The following CLEC2B variants were observed in gnomAD, a reference collection of about 807,000 sequenced individuals.
CLEC2B encodes the protein C-type lectin domain family 2 member B.
A neutral mutation model predicts 16.2 loss-of-function variants in CLEC2B; 14 were observed. The ratio of observed to expected loss-of-function variants is 0.86; its 90% CI spans 0.57 to 1.35. CLEC2B has a LOEUF of 1.35. Ranked by LOEUF, CLEC2B falls within the 40% of genes most tolerant of loss-of-function variation. The pLI, the probability that CLEC2B is intolerant of heterozygous loss-of-function variation, is 0.00. For synonymous variants in CLEC2B, 42 were observed against 55.8 expected (o/e 0.75, Z 1.10); for missense variants, 166 against 182.3 (o/e 0.91, Z 0.52).
At chr12:9,860,249 C>T (rs572368565) in intron 2 of CLEC2B, among the ~76,000 whole-genome samples, 7 of 151,494 alleles carry the variant, frequency 4.6e-5, no homozygotes, top group Non-Finnish European at 8.9e-5. Context: ...TTACATAGAA[C>T]TTGCAAAAGA....
rs1867865854 is a variant in CLEC2B at position 9,853,305 on chromosome 12, G to A, written c.445C>T (p.His149Tyr). ...ERKWICRKRI[H>Y] Reference sequence around the variant, plus strand: ...CCATTATCTTAGACATTAACTTAGTGTATTCTTTTCCTGCAAATCCATTTT... The same window carrying A: ...CCATTATCTTAGACATTAACTTAGTATATTCTTTTCCTGCAAATCCATTTT... Residue 149 changes from histidine (H) to tyrosine (Y), a missense_variant, in exon 5 of 5, where the codon CAC (histidine) becomes TAC (tyrosine). Physicochemically the swap from His to Tyr is moderately conservative, Grantham distance 83. Coordinates refer to ENST00000228438, the MANE Select transcript of CLEC2B (RefSeq NM_005127.3). 1 of 1,599,484 alleles carries A rather than the reference G, an allele frequency of 6.3e-7. No individual in the cohort carries two copies. The highest frequency in any genetic ancestry group is 8.6e-7 in the Non-Finnish European group (1 of 1,166,920).
At chr12:9,855,248 T>C (rs1867886809) in intron 3 of CLEC2B, among the ~76,000 whole-genome samples, 1 of 152,108 alleles carries the variant, frequency 6.6e-6, no homozygotes, top group Non-Finnish European at 1.5e-5. Flanking sequence ...CACACCACTA[T>C]GGTCAAATCC....
At chr12:9,854,537 C>T in intron 3 of CLEC2B, 53 bp from the exon 4 acceptor site, 1 of 1,149,402 alleles carries the variant, frequency 8.7e-7, no homozygotes, top group East Asian at 2.3e-5. Flanking sequence ...TTATGACAAC[C>T]TACTGTGTAC....
In CLEC2B at chr12:9,865,180, C is replaced by CAAAAAAAAAAAAAAAAAAAAAAAA; in HGVS notation, c.-2-2608_-2-2607insTTTTTTTTTTTTTTTTTTTTTTTT. Among the ~76,000 whole-genome samples, 2 of 99,104 alleles carry CAAAAAAAAAAAAAAAAAAAAAAAA rather than the reference C, an allele frequency of 2.0e-5. 1 individual carries two copies. 65.0% of individuals were successfully genotyped at this position (99,104 alleles called of 152,430 possible). On this transcript the variant is annotated intron_variant, in intron 1 of 4. Coordinates refer to ENST00000228438, the MANE Select transcript of CLEC2B (RefSeq NM_005127.3). ...CCTGGGCAATAAAGCAAGACTCTCT[C>CAAAAAAAAAAAAAAAAAAAAAAAA]AAAAAAAAAAAAAAAAAAAAAGCAT...
At chr12:9,854,057 A>G (rs1273902575) in intron 4 of CLEC2B, among the ~76,000 whole-genome samples, 2 of 152,334 alleles carry the variant, frequency 1.3e-5, no homozygotes, top group African/African-American at 4.8e-5. Context: ...AAAATAGTCA[A>G]CAAAAAGTTT....
chr12:9,864,340 G>A (rs758885101), intron 1 of CLEC2B, among the ~76,000 whole-genome samples: 5 of 151,918 alleles, frequency 3.3e-5, no homozygotes, highest in South Asian at 4.2e-4. Flanking sequence ...AAAAACACAC[G>A]AACAGAAAAC....
At chr12:9,861,685 A>G (rs1420928352) in intron 2 of CLEC2B, among the ~76,000 whole-genome samples, 1 of 151,732 alleles carries the variant, frequency 6.6e-6, no homozygotes, top group Non-Finnish European at 1.5e-5. Context: ...TGAATGCACT[A>G]TACTAAACAT....
At chr12:9,869,078 A>G (rs1048401651) in intron 1 of CLEC2B, 127 bp downstream of exon 1, 2 of 152,270 alleles carry the variant, frequency 1.3e-5, no homozygotes, top group East Asian at 1.9e-4. Flanking sequence ...CAATCTTGTT[A>G]TAAGAAGGAA....
At chr12:9,854,280 G>C in intron 4 of CLEC2B, 101 bp downstream of exon 4, 1 of 688,078 alleles carries the variant, frequency 1.5e-6, no homozygotes, top group Admixed American at 2.9e-5. Context: ...TTTCTAACAT[G>C]TGCAAAACTC....
chr12:9,853,239 T>C lies in CLEC2B; in HGVS notation c.*61A>G, dbSNP rs1242398950. On this transcript the variant is annotated 3_prime_UTR_variant, in exon 5 of 5. Coordinates refer to ENST00000228438, the MANE Select transcript of CLEC2B (RefSeq NM_005127.3). Reference sequence around the variant, plus strand: ...GAACTTTGTTTAATTAAAAAAGTACTTTGCTGGTTTTACACTTAATAATGT... The same window carrying C: ...GAACTTTGTTTAATTAAAAAAGTACCTTGCTGGTTTTACACTTAATAATGT... 2 of 1,302,178 alleles carry C rather than the reference T, an allele frequency of 1.5e-6. No homozygotes were observed. The highest frequency in any genetic ancestry group is 2.9e-5 in the African/African-American group (2 of 68,750). 80.7% of individuals were successfully genotyped at this position (1,302,178 alleles called of 1,614,324 possible).
intron 2 of CLEC2B, among the ~76,000 whole-genome samples, chr12:9,860,097 A>G (rs1394037391): frequency 6.6e-6 from 1 of 151,746 alleles, no homozygotes; most frequent in East Asian, 1.9e-4. Context: ...GAATGAGACA[A>G]ACATGTAAGC....
At chr12:9,862,471 G>T in intron 2 of CLEC2B, 28 bp downstream of exon 2, 1 of 1,434,266 alleles carries the variant, frequency 7.0e-7, no homozygotes, top group South Asian at 1.3e-5. Flanking sequence ...AGAAAGCCAT[G>T]AAAAATAAAA....
intron 4 of CLEC2B, 48 bp from the exon 5 acceptor site, chr12:9,853,456 G>A (rs1867867818): frequency 6.8e-7 from 1 of 1,470,728 alleles, no homozygotes; most frequent in African/African-American, 1.4e-5. Flanking sequence ...TTTCTTCCTT[G>A]CCCATGGACA....
In CLEC2B at chr12:9,861,643, TC is replaced by T. The variant is rs145612175; in HGVS notation, c.73+855del. 3.3e-3 allele frequency among the ~76,000 whole-genome samples: 505 copies of T among 152,158 alleles called. 6 individuals are homozygous for T. Among genetic ancestry groups the T allele is most frequent in the African/African-American group, 0.012 (487 of 41,548 alleles). On this transcript the variant is annotated intron_variant, in intron 2 of 4. Transcript: ENST00000228438. ...TTGCAATAGTCAAAATGTAACACGA[TC>T]CAAATGTTCATCAAAAGTGATACAT...
chr12:9,867,388 C>A (rs527831060), intron 1 of CLEC2B: 1 of 152,152 alleles, frequency 6.6e-6, no homozygotes, highest in African/African-American at 2.4e-5. Context: ...AAATTTAAAC[C>A]TATTATGTGT....
chr12:9,868,429 G>A (rs949670973), intron 1 of CLEC2B, among the ~76,000 whole-genome samples: 3 of 151,992 alleles, frequency 2.0e-5, no homozygotes, highest in African/African-American at 7.2e-5. Context: ...TTTTTTGACC[G>A]TAGCATACGC....
At chr12:9,857,163 C>G in intron 3 of CLEC2B, 1 of 197,596 alleles carries the variant, frequency 5.1e-6, no homozygotes. Flanking sequence ...CCCCTCCTTC[C>G]TCAGACAATT....
intron 2 of CLEC2B, among the ~76,000 whole-genome samples, chr12:9,858,756 A>G (rs1867913040): frequency 6.6e-6 from 1 of 151,964 alleles, no homozygotes; most frequent in Admixed American, 6.6e-5. Context: ...ACATATGTGT[A>G]TATATCTCTC....
rs1206209457 is a variant in CLEC2B at position 9,869,187 on chromosome 12, A to T, written c.-3+18T>A. 1.3e-5 allele frequency: 2 copies of T among 152,168 alleles called. No homozygotes were observed. Among genetic ancestry groups the T allele is most frequent in the African/African-American group, 2.4e-5 (1 of 41,448 alleles). The allele number at this position is 152,168 out of a possible 1,614,324, so 9.4% of individuals were successfully genotyped here. A position where few individuals can be genotyped will look rare whatever the true frequency, so the allele number is the denominator to read the frequency against. ...TCAATAAATAACGGTCATTCTAAAC[A>T]AACAAAAATGTTCTTACCGTGCTTC... On this transcript the variant is annotated intron_variant, in intron 1 of 4. Coordinates refer to ENST00000228438, the MANE Select transcript of CLEC2B (RefSeq NM_005127.3).
Sources: gnomAD v4.1 joint callset for allele counts (sites outside exome capture counted in the v4.1 genomes callset) on GRCh38, gnomAD v4.1.1 for gene constraint, MANE v1.5 for transcripts, NCBI Gene and HGNC (gene_info 2026-07-23, HGNC 2026-07-21) for gene names.